The following CFAP69 variants were observed in gnomAD, a reference collection of about 807,000 sequenced individuals.
The protein encoded by CFAP69 is cilia and flagella associated protein 69.
A neutral mutation model predicts 123.0 loss-of-function variants in CFAP69; 92 were observed. The ratio of observed to expected loss-of-function variants is 0.75; its 90% CI spans 0.63 to 0.89. The LOEUF is 0.89. Among genes scored for constraint, CFAP69 ranks in the 40% least tolerant of loss-of-function variants. The pLI, the probability that CFAP69 is intolerant of heterozygous loss-of-function variation, is 0.00. For synonymous variants in CFAP69, 380 were observed against 364.3 expected, an observed-to-expected ratio of 1.04 and a Z score of -0.49; for missense variants, 1,067 against 1,096.9, an observed-to-expected ratio of 0.97 and a Z score of 0.39.
chr7:90,283,805 A>G lies in CFAP69; in HGVS notation c.1537+749A>G, dbSNP rs144568083. Among the ~76,000 whole-genome samples the G allele has an allele frequency of 1.2e-4, 18 of 152,270 alleles. No homozygotes were observed. In the East Asian group the frequency reaches 2.3e-3, roughly 20 times the overall value. ...AATCTGCTAGATGTCAATTAATTAT[A>G]AATGCCTACTCAAAAAATCTTCTAC... is the stretch of plus-strand genomic sequence containing the variant. On this transcript the variant is annotated intron_variant, in intron 13 of 22. Coordinates refer to ENST00000389297, the MANE Select transcript of CFAP69 (RefSeq NM_001039706.3).
At chr7:90,252,497 A>C (rs952028287) in intron 1 of CFAP69, among the ~76,000 whole-genome samples, 2 of 152,150 alleles carry the variant, frequency 1.3e-5, no homozygotes, top group East Asian at 1.9e-4. Flanking sequence ...GCGACACTCT[A>C]TCTCTACAAA....
intron 9 of CFAP69, among the ~76,000 whole-genome samples, 189 bp downstream of exon 9, chr7:90,274,299 T>A (rs1409437056): frequency 6.6e-6 from 1 of 152,236 alleles, no homozygotes; most frequent in Non-Finnish European, 1.5e-5. Flanking sequence ...AAATTTGGAA[T>A]CTTCCTCATA....
rs528365317 is a variant in CFAP69, at chr7:90,303,697, A to G, written c.2051-272A>G. On this transcript the variant is annotated intron_variant, in intron 17 of 22. Transcript: ENST00000389297. The stretch of plus-strand genomic sequence containing the variant: ...GATTTCAAAATTTTTTAAATTATTT[A>G]CATAGAAGTTTTACTTTTAAAAAGT... 1.4e-4 allele frequency: 137 copies of G among 1,003,094 alleles called. 1 individual carries two copies. The Middle Eastern group carries it at 1.9e-3, about 14-fold the overall frequency. The allele number at this position is 1,003,094 out of a possible 1,614,324, so 62.1% of individuals were successfully genotyped here. A position where few individuals can be genotyped will look rare whatever the true frequency, so the allele number is the denominator to read the frequency against.
At chr7:90,322,674 AC>A in the CFAP69 span, 3 of 152,222 alleles carry the variant, frequency 2.0e-5, no homozygotes, top group African/African-American at 7.2e-5. Context: ...AGTATTCAAA[AC>A]CTATTGAAAA....
At chr7:90,247,631 A>G (rs1484678704) in intron 1 of CFAP69, among the ~76,000 whole-genome samples, 2 of 152,144 alleles carry the variant, frequency 1.3e-5, no homozygotes, top group Non-Finnish European at 2.9e-5. Flanking sequence ...GCAGATCACG[A>G]GTTCAGGAGA....
chr7:90,250,655 A>T lies in CFAP69; in HGVS notation c.121-4768A>T, dbSNP rs140944982. 6.0e-3 allele frequency among the ~76,000 whole-genome samples: 909 copies of T among 152,304 alleles called. 5 individuals carry two copies. Among genetic ancestry groups the T allele is most frequent in the Non-Finnish European group, 0.01 (695 of 68,020 alleles). On this transcript the variant is annotated intron_variant, in intron 1 of 22. Transcript: ENST00000389297. ...ATGCTTTTACAATTTCTCCATAAACATCTTAAGATGATAGTATTTTGGTAT... is the reference window on the plus strand; with the variant it reads ...ATGCTTTTACAATTTCTCCATAAACTTCTTAAGATGATAGTATTTTGGTAT...
intron 12 of CFAP69, 147 bp downstream of exon 12, chr7:90,280,040 T>C: frequency 1.1e-5 from 6 of 569,462 alleles, no homozygotes; most frequent in Non-Finnish European, 1.6e-5. Flanking sequence ...TATTTATATG[T>C]TGTTTTAAGA....
intron 9 of CFAP69, chr7:90,275,974 T>A (rs1788550347): frequency 6.6e-6 from 1 of 152,208 alleles, no homozygotes; most frequent in South Asian, 2.1e-4. Flanking sequence ...ATCCTTCCAG[T>A]GTCTGCTTAC....
chr7:90,247,376 G>T (rs1441748158), intron 1 of CFAP69, among the ~76,000 whole-genome samples: 1 of 152,160 alleles, frequency 6.6e-6, no homozygotes, highest in Non-Finnish European at 1.5e-5. Flanking sequence ...CTTCTCTTCT[G>T]CCTGTGTGTG....
At chr7:90,252,483 C>A (rs1797149342) in intron 1 of CFAP69, among the ~76,000 whole-genome samples, 1 of 152,042 alleles carries the variant, frequency 6.6e-6, no homozygotes, top group Non-Finnish European at 1.5e-5. Context: ...GCCTGGGCAA[C>A]ATGGCGACAC....
At position 90,304,732 on chromosome 7, in the gene CFAP69, AC is replaced by A. The variant is rs1320416299; in HGVS notation, c.2189-11del. 6.3e-7 allele frequency: 1 copy of A among 1,599,616 alleles called. No individual in the cohort carries two copies. The highest frequency in any genetic ancestry group is 2.2e-5 in the East Asian group (1 of 44,592). On this transcript the variant is annotated splice_polypyrimidine_tract_variant and intron_variant, in intron 18 of 22. Transcript: ENST00000389297. Reference sequence around the variant, plus strand: ...TGCTAAAGTAATTCTGTCTTTATAAACTTTATTTTAGATTTTGAAAATTTAC... The same window carrying A: ...TGCTAAAGTAATTCTGTCTTTATAAATTTATTTTAGATTTTGAAAATTTAC...
chr7:90,292,197 A>G (rs10260905), intron 15 of CFAP69, among the ~76,000 whole-genome samples: 75,784 of 151,976 alleles, frequency 0.5, 19,868 homozygotes, highest in Non-Finnish European at 0.59. Context: ...TCTGTTCCAT[A>G]AGGAATCTCA....
At chr7:90,261,578 G>A (rs566821240) in intron 3 of CFAP69, among the ~76,000 whole-genome samples, 1 of 152,212 alleles carries the variant, frequency 6.6e-6, no homozygotes, top group African/African-American at 2.4e-5. Flanking sequence ...CAGGGGTAGG[G>A]GGTGAAGATG....
At chr7:90,263,354 A>G (rs1436937194) in intron 4 of CFAP69, among the ~76,000 whole-genome samples, 4 of 152,190 alleles carry the variant, frequency 2.6e-5, no homozygotes, top group Non-Finnish European at 5.9e-5. Context: ...TTTTTGGAAG[A>G]TAAAAACAAT....
chr7:90,253,362 GTTTGT>G (rs543792531), intron 1 of CFAP69, among the ~76,000 whole-genome samples: 1 of 151,932 alleles, frequency 6.6e-6, no homozygotes, highest in Admixed American at 6.6e-5. Flanking sequence ...TGTTGGGGTT[GTTTGT>G]TTTGTTTTGT....
At chr7:90,270,594 T>G (rs538581713) in intron 6 of CFAP69, among the ~76,000 whole-genome samples, 1 of 152,228 alleles carries the variant, frequency 6.6e-6, no homozygotes, top group South Asian at 2.1e-4. Context: ...ATCACAGCAT[T>G]GGACAGGGCC....
At chr7:90,275,758 C>T (rs1359824837) in intron 9 of CFAP69, among the ~76,000 whole-genome samples, 2 of 151,848 alleles carry the variant, frequency 1.3e-5, no homozygotes, top group Non-Finnish European at 2.9e-5. Context: ...CCCGCCACCA[C>T]ACCCGGCTAA....
In CFAP69 at chr7:90,245,451, C is replaced by G. The variant is rs1261239564; in HGVS notation, c.27C>G (p.Thr9=). 6 of 1,556,988 alleles carry G rather than the reference C, an allele frequency of 3.9e-6. No homozygotes were observed. The highest frequency in any genetic ancestry group is 4.3e-6 in the Non-Finnish European group (5 of 1,154,050). The part of the protein sequence containing the change: MWTEEAGA[T]AEAQESGIRN... ...TGTGGACAGAGGAAGCCGGGGCGAC[C>G]GCCGAGGCCCAGGAATCCGGCATCA... is the stretch of plus-strand genomic sequence containing the variant. Residue 9 remains threonine (T), a synonymous_variant, in exon 1 of 23, where the codon ACC becomes ACG. Coordinates refer to ENST00000389297, the MANE Select transcript of CFAP69 (RefSeq NM_001039706.3).
chr7:90,287,437 G>A, intron 14 of CFAP69: 1 of 959,072 alleles, frequency 1.0e-6, no homozygotes, highest in Non-Finnish European at 1.2e-6. Context: ...TTTGGGGTTT[G>A]AATTGGGTTC....
Sources: allele counts gnomAD v4.1 joint callset (sites outside exome capture counted in the v4.1 genomes callset), GRCh38; gene constraint gnomAD v4.1.1; transcripts MANE v1.5; gene names NCBI Gene and HGNC (gene_info 2026-07-23, HGNC 2026-07-21).